Variants in PUDP observed in about 807,000 individuals in gnomAD.
PUDP encodes pseudouridine 5'-phosphatase.
Under a neutral mutation model 9.4 loss-of-function variants are expected in PUDP, and 8 were observed. The ratio of observed to expected loss-of-function variants is 0.85; its 90% CI spans 0.50 to 1.53. The LOEUF is 1.53. Among genes scored for constraint, PUDP ranks in the 40% most tolerant of loss-of-function variants. The pLI is 0.00. For synonymous variants in PUDP, 99 were observed against 80.7 expected (o/e 1.23, Z -1.22); for missense variants, 188 against 189.7 (o/e 0.99, Z 0.05).
intron 1 of PUDP, among the ~76,000 whole-genome samples, chrX:6,715,664 A>G (rs2146652861): frequency 8.9e-6 from 1 of 112,534 alleles, no homozygotes; most frequent in African/African-American, 3.2e-5. Flanking sequence ...TGAGTTTTGC[A>G]TCAGTTGAGG....
At chrX:6,789,964 A>G (rs749803007) in intron 3 of PUDP, among the ~76,000 whole-genome samples, 87 of 66,236 alleles carry the variant, frequency 1.3e-3, no homozygotes, top group Admixed American at 2.0e-3. Context: ...AGAAAGAGAT[A>G]GATAAATAGA....
At chrX:6,906,507 G>A (rs1019730565) in intron 3 of PUDP, among the ~76,000 whole-genome samples, 4 of 112,312 alleles carry the variant, frequency 3.6e-5, no homozygotes, top group Admixed American at 2.8e-4. Flanking sequence ...GGCCTCGAAC[G>A]CAGGCGCTTC....
chrX:6,727,472 C>G (rs976940082), intron 3 of PUDP, among the ~76,000 whole-genome samples: 1 of 112,089 alleles, frequency 8.9e-6, no homozygotes, highest in African/African-American at 3.2e-5. Context: ...AGGATCTTGA[C>G]TTCAAAGAAG....
intron 3 of PUDP, among the ~76,000 whole-genome samples, chrX:6,803,741 T>C (rs1926003759): frequency 8.9e-6 from 1 of 112,139 alleles, no homozygotes; most frequent in African/African-American, 3.2e-5. Context: ...CTGAGGAATT[T>C]ACAACACTGA....
chrX:6,908,939 G>C (rs1406886140), intron 3 of PUDP, among the ~76,000 whole-genome samples: 1 of 111,280 alleles, frequency 9.0e-6, no homozygotes, highest in Non-Finnish European at 1.9e-5. Context: ...ACACCTCCAA[G>C]AGATTCTTGT....
intron 1 of PUDP, among the ~76,000 whole-genome samples, chrX:7,007,864 C>A (rs1309152781): frequency 8.9e-6 from 1 of 112,188 alleles, no homozygotes; most frequent in Non-Finnish European, 1.9e-5. Context: ...GGATTTTCAT[C>A]ATTCATTAAC....
At chrX:6,739,058 T>C (rs1402835153) in intron 3 of PUDP, among the ~76,000 whole-genome samples, 1 of 111,276 alleles carries the variant, frequency 9.0e-6, no homozygotes, top group Non-Finnish European at 1.9e-5. Context: ...CAATTAGCAG[T>C]TTTTGAGAGT....
intron 1 of PUDP, among the ~76,000 whole-genome samples, chrX:7,032,819 T>C (rs1212521693): frequency 1.8e-5 from 2 of 111,725 alleles, no homozygotes; most frequent in Non-Finnish European, 3.8e-5. Flanking sequence ...CATCAGAATA[T>C]ATAAAAAGAT....
chrX:6,717,589 C>T (rs1924615133), intron 1 of PUDP, among the ~76,000 whole-genome samples: 1 of 111,998 alleles, frequency 8.9e-6, no homozygotes, highest in Admixed American at 9.5e-5. Flanking sequence ...TAATCCTCTC[C>T]CCTTCAGCAG....
At chrX:6,886,280 A>C (rs1303880507) in intron 3 of PUDP, among the ~76,000 whole-genome samples, 1 of 112,226 alleles carries the variant, frequency 8.9e-6, no homozygotes, top group African/African-American at 3.2e-5. Context: ...ATTTACACAA[A>C]ATTTTTCACA....
chrX:6,804,183 T>G (rs1048255727), intron 3 of PUDP, among the ~76,000 whole-genome samples: 9 of 111,085 alleles, frequency 8.1e-5, no homozygotes, highest in African/African-American at 2.9e-4. Context: ...GGCACATGCA[T>G]GTATCTCCAC....
chrX:6,777,371 T>G (rs1156384520), intron 3 of PUDP, among the ~76,000 whole-genome samples: 3 of 111,948 alleles, frequency 2.7e-5, no homozygotes. Context: ...CTAGGCTCAG[T>G]GCTTTGAAAA....
At chrX:6,847,552 T>C (rs1926767773) in intron 3 of PUDP, among the ~76,000 whole-genome samples, 2 of 112,359 alleles carry the variant, frequency 1.8e-5, no homozygotes, top group Non-Finnish European at 3.8e-5. Context: ...TCATATATTA[T>C]CAACCTTAAA....
chrX:7,111,752 G>T (rs1287786545), intron 1 of PUDP, among the ~76,000 whole-genome samples: 3 of 112,015 alleles, frequency 2.7e-5, no homozygotes, highest in Non-Finnish European at 5.6e-5. Flanking sequence ...ATGTAGTCAT[G>T]CCACACACCT....
chrX:6,820,534 G>A (rs187861988), intron 3 of PUDP, among the ~76,000 whole-genome samples: 8 of 111,716 alleles, frequency 7.2e-5, no homozygotes, highest in East Asian at 5.7e-4. Flanking sequence ...ATACCATGGC[G>A]GTACAGGTAT....
chrX:6,760,567 C>T (rs1925218531), intron 3 of PUDP, among the ~76,000 whole-genome samples: 1 of 112,034 alleles, frequency 8.9e-6, no homozygotes, highest in African/African-American at 3.2e-5. Flanking sequence ...CTGTTTATTA[C>T]TTTTTATCAA....
At chrX:6,880,799 G>C (rs974757668) in intron 3 of PUDP, among the ~76,000 whole-genome samples, 2 of 111,349 alleles carry the variant, frequency 1.8e-5, no homozygotes, top group Admixed American at 9.6e-5. Flanking sequence ...TTACAGTCCT[G>C]GCTCTGCCAT....
chrX:6,715,947 C>G (rs951723898), intron 1 of PUDP, among the ~76,000 whole-genome samples: 1 of 111,013 alleles, frequency 9.0e-6, no homozygotes, highest in Non-Finnish European at 1.9e-5. Flanking sequence ...GGGGTAGGGA[C>G]CAGGGAAATA....
At chrX:7,083,610 G>A (rs944526747) in intron 2 of PUDP, among the ~76,000 whole-genome samples, 1 of 111,092 alleles carries the variant, frequency 9.0e-6, no homozygotes, top group African/African-American at 3.3e-5. Flanking sequence ...TTAGAAATAT[G>A]TCCGGTTTGG....
Sources: gnomAD v4.1 joint callset for allele counts (sites outside exome capture counted in the v4.1 genomes callset) on GRCh38, gnomAD v4.1.1 for gene constraint, MANE v1.5 for transcripts, NCBI Gene and HGNC (gene_info 2026-07-23, HGNC 2026-07-21) for gene names.